The following CFAP54 variants were observed in gnomAD, a reference collection of about 807,000 sequenced individuals.
CFAP54 encodes the protein cilia- and flagella-associated protein 54.
In CFAP54, 290 loss-of-function variants were observed where a neutral mutation model predicts 370.4. The observed-to-expected ratio is 0.78, with a 90% CI of 0.71 to 0.86. CFAP54 has a LOEUF of 0.86. CFAP54 is among the 40% of genes least tolerant of loss of function. CFAP54 has a pLI of 0.00. For missense variants in CFAP54, 3,399 were observed against 3,528.7 expected (o/e 0.96, Z 0.93); for synonymous variants, 1,206 against 1,236.5 (o/e 0.98, Z 0.52).
chr12:96,720,812 A>T (rs1957742249), intron 50 of CFAP54, among the ~76,000 whole-genome samples: 1 of 152,124 alleles, frequency 6.6e-6, no homozygotes, highest in Non-Finnish European at 1.5e-5. Context: ...ACTTGAGGCC[A>T]GGAGTTGGAG....
chr12:96,537,461 C>A (rs570040860), intron 12 of CFAP54, among the ~76,000 whole-genome samples: 5 of 152,240 alleles, frequency 3.3e-5, no homozygotes, highest in Non-Finnish European at 5.9e-5. Context: ...TGTGGCTTAG[C>A]CTCCCAAGTA....
At chr12:96,584,702 A>G (rs1204902966) in intron 22 of CFAP54, among the ~76,000 whole-genome samples, 2 of 151,708 alleles carry the variant, frequency 1.3e-5, no homozygotes, top group Admixed American at 6.6e-5. Flanking sequence ...TCTGACTTAT[A>G]GTTTCAGTTA....
At chr12:96,682,669 G>A (rs1565941134) in intron 40 of CFAP54, among the ~76,000 whole-genome samples, 1 of 152,094 alleles carries the variant, frequency 6.6e-6, no homozygotes, top group Admixed American at 6.5e-5. Context: ...CACTGTACCC[G>A]GCTATGTCTC....
At chr12:96,578,506 G>C (rs1956002141) in intron 20 of CFAP54, among the ~76,000 whole-genome samples, 1 of 151,876 alleles carries the variant, frequency 6.6e-6, no homozygotes, top group South Asian at 2.1e-4. Context: ...CAAATATTTG[G>C]GTTTCTTTAA....
At chr12:96,870,658 G>A (rs764557681) in intron 67 of CFAP54, among the ~76,000 whole-genome samples, 6 of 152,150 alleles carry the variant, frequency 3.9e-5, no homozygotes, top group Non-Finnish European at 5.9e-5. Flanking sequence ...AAGGATCAGA[G>A]GTTATTTATT....
chr12:96,540,635 T>G (rs966590731), intron 13 of CFAP54, among the ~76,000 whole-genome samples: 2 of 152,244 alleles, frequency 1.3e-5, no homozygotes, highest in Non-Finnish European at 2.9e-5. Context: ...ATAAACAGAT[T>G]GATTACTAAA....
At chr12:96,692,061 C>T (rs578192843) in intron 44 of CFAP54, among the ~76,000 whole-genome samples, 3 of 151,238 alleles carry the variant, frequency 2.0e-5, no homozygotes, top group African/African-American at 7.3e-5. Flanking sequence ...CCATGATTTT[C>T]ATACCTTCTT....
At chr12:96,864,573 G>C (rs1592820820) in intron 67 of CFAP54, among the ~76,000 whole-genome samples, 1 of 152,216 alleles carries the variant, frequency 6.6e-6, no homozygotes, top group African/African-American at 2.4e-5. Context: ...TCTGCCTGCA[G>C]TCTGCATTGC....
intron 50 of CFAP54, among the ~76,000 whole-genome samples, chr12:96,734,008 G>A (rs1957953241): frequency 6.6e-6 from 1 of 152,088 alleles, no homozygotes; most frequent in African/African-American, 2.4e-5. Context: ...GAAGAGTGTG[G>A]GGAGGGCACG....
intron 39 of CFAP54, among the ~76,000 whole-genome samples, chr12:96,669,400 G>A (rs150685647): frequency 2.6e-5 from 4 of 152,330 alleles, no homozygotes; most frequent in East Asian, 1.9e-4. Context: ...TGTCAGCTGC[G>A]TGGGAAACAG....
chr12:96,662,428 C>T (rs991482126), intron 38 of CFAP54, among the ~76,000 whole-genome samples: 1 of 152,130 alleles, frequency 6.6e-6, no homozygotes, highest in African/African-American at 2.4e-5. Context: ...TGGTCTTGAA[C>T]TCCTGACCTC....
Position 96,704,754 on chromosome 12 carries a change from A to T in CFAP54, c.6486A>T (p.Ser2162=), listed in dbSNP as rs1470188213. ...KATGKMKIFQ[S]FDSGKLLTSK... is the part of the protein sequence containing the mutation. ...TTGTATTTTGACAGATCTTTCAATC[A>T]TTTGACTCAGGAAAACTTCTTACCA... The change falls in exon 47 of 68, where the codon TCA becomes TCT. Residue 2162 remains serine, a synonymous_variant. Coordinates refer to ENST00000524981, the MANE Select transcript of CFAP54 (RefSeq NM_001306084.2). 1 of 1,227,516 alleles carries T rather than the reference A, an allele frequency of 8.1e-7. No homozygotes were observed. Among genetic ancestry groups the T allele is most frequent in the Non-Finnish European group, 1.1e-6 (1 of 887,292 alleles). 76.0% of individuals were successfully genotyped at this position (1,227,516 alleles called of 1,614,324 possible).
intron 42 of CFAP54, 106 bp downstream of exon 42, chr12:96,685,344 G>A (rs1592707994): frequency 2.1e-6 from 2 of 941,428 alleles, no homozygotes; most frequent in East Asian, 5.1e-5. Flanking sequence ...GGATTTCTGG[G>A]AGGTTATGTC....
intron 26 of CFAP54, among the ~76,000 whole-genome samples, chr12:96,607,332 T>C (rs1956312042): frequency 6.6e-6 from 1 of 151,260 alleles, no homozygotes; most frequent in African/African-American, 2.4e-5. Flanking sequence ...AGAGAAGACT[T>C]GGTTAAAAAA....
chr12:96,652,123 T>A (rs1370853975), intron 36 of CFAP54, among the ~76,000 whole-genome samples: 3 of 152,200 alleles, frequency 2.0e-5, no homozygotes, highest in Non-Finnish European at 4.4e-5. Flanking sequence ...AGAAATAGAT[T>A]CCAAGGAAGA....
intron 42 of CFAP54, among the ~76,000 whole-genome samples, chr12:96,688,325 A>G (rs538022255): frequency 6.6e-6 from 1 of 152,322 alleles, no homozygotes; most frequent in Admixed American, 6.5e-5. Context: ...GAGAGAAAAT[A>G]CAATGCTTCA....
chr12:96,767,656 A>C (rs147917317), intron 60 of CFAP54, among the ~76,000 whole-genome samples: 2 of 152,302 alleles, frequency 1.3e-5, no homozygotes, highest in Admixed American at 1.3e-4. Context: ...TTGGGGTTAG[A>C]AGGAGGTTCT....
At chr12:96,715,067 T>G (rs796693585) in intron 48 of CFAP54, among the ~76,000 whole-genome samples, 1 of 152,210 alleles carries the variant, frequency 6.6e-6, no homozygotes, top group South Asian at 2.1e-4. Context: ...TTTGCTAATT[T>G]CTGTGGTTTC....
intron 44 of CFAP54, among the ~76,000 whole-genome samples, chr12:96,692,074 T>C (rs976007932): frequency 6.6e-6 from 1 of 152,074 alleles, no homozygotes; most frequent in Admixed American, 6.6e-5. Flanking sequence ...ACCTTCTTAC[T>C]TTTTTCCCCC....
Sources: gnomAD v4.1 joint callset for allele counts (sites outside exome capture counted in the v4.1 genomes callset) on GRCh38, gnomAD v4.1.1 for gene constraint, MANE v1.5 for transcripts, NCBI Gene and HGNC (gene_info 2026-07-23, HGNC 2026-07-21) for gene names.